UNC5D: variants seen among roughly 807,000 people sequenced by gnomAD.
UNC5D encodes the protein netrin receptor UNC5D.
Under a neutral mutation model 105.4 loss-of-function variants are expected in UNC5D, and 39 were observed. The observed-to-expected ratio is 0.37, with a 90% CI of 0.29 to 0.48. The LOEUF is 0.48. UNC5D is among the 20% of genes least tolerant of loss of function. The pLI, the probability that UNC5D is intolerant of heterozygous loss-of-function variation, is 0.98. For synonymous variants in UNC5D, 452 were observed against 450.4 expected (o/e 1.00, Z -0.04); for missense variants, 991 against 1,202.4 (o/e 0.82, Z 2.60).
At chr8:35,508,778 C>A (rs1279871471) in intron 1 of UNC5D, among the ~76,000 whole-genome samples, 1 of 152,136 alleles carries the variant, frequency 6.6e-6, no homozygotes, top group Non-Finnish European at 1.5e-5. Context: ...TGGTGATAAG[C>A]TCGGCAGAGC....
intron 7 of UNC5D, among the ~76,000 whole-genome samples, chr8:35,701,976 GAAAT>G (rs997696648): frequency 5.3e-5 from 8 of 150,342 alleles, no homozygotes; most frequent in African/African-American, 1.7e-4. Flanking sequence ...GGATAAAAAT[GAAAT>G]AAATGAAAAA....
intron 15 of UNC5D, among the ~76,000 whole-genome samples, chr8:35,772,320 CAG>C (rs1475345385): frequency 2.6e-5 from 4 of 152,112 alleles, no homozygotes; most frequent in Non-Finnish European, 5.9e-5. Flanking sequence ...TAAATAGTTA[CAG>C]AGAGACAAAA....
At chr8:35,661,947 G>T (rs1648628645) in intron 4 of UNC5D, among the ~76,000 whole-genome samples, 1 of 151,992 alleles carries the variant, frequency 6.6e-6, no homozygotes, top group African/African-American at 2.4e-5. Flanking sequence ...CTGATTCATG[G>T]TGCTTCTTCT....
At chr8:35,390,378 ATAAT>A (rs1803695437) in intron 1 of UNC5D, among the ~76,000 whole-genome samples, 1 of 152,210 alleles carries the variant, frequency 6.6e-6, no homozygotes. Flanking sequence ...TTATCAATAA[ATAAT>A]AGTTGTCATC....
intron 1 of UNC5D, among the ~76,000 whole-genome samples, chr8:35,494,919 A>C (rs1811448948): frequency 6.6e-6 from 1 of 151,982 alleles, no homozygotes; most frequent in South Asian, 2.1e-4. Flanking sequence ...TTAGAACATG[A>C]CTCTGGCATT....
rs377446064 is a variant in UNC5D at position 35,357,097 on chromosome 8, T to C, written c.103+121210T>C. 5.9e-5 allele frequency among the ~76,000 whole-genome samples: 9 copies of C among 152,288 alleles called. No individual in the cohort carries two copies. In the East Asian group the frequency reaches 1.7e-3, roughly 29 times the overall value. ...TTTCTCTTTTGGCTGCCATCATCTCTTGTTCATCTACAGTCTCTTAATTGA... is the reference window on the plus strand; with the variant it reads ...TTTCTCTTTTGGCTGCCATCATCTCCTGTTCATCTACAGTCTCTTAATTGA... On this transcript the variant is annotated intron_variant, in intron 1 of 16. Transcript: ENST00000404895.
At chr8:35,601,244 A>G (rs1007320011) in intron 4 of UNC5D, among the ~76,000 whole-genome samples, 45 of 152,132 alleles carry the variant, frequency 3.0e-4, no homozygotes, top group African/African-American at 1.0e-3. Flanking sequence ...GATGCCTCCA[A>G]CTTTGTTCTT....
intron 4 of UNC5D, among the ~76,000 whole-genome samples, chr8:35,633,058 C>T (rs1198943707): frequency 6.6e-6 from 1 of 152,194 alleles, no homozygotes; most frequent in East Asian, 1.9e-4. Flanking sequence ...TAATTTCCTC[C>T]ATGTCAGGTT....
At chr8:35,372,368 C>T in intron 1 of UNC5D, among the ~76,000 whole-genome samples, 1 of 152,076 alleles carries the variant, frequency 6.6e-6, no homozygotes, top group Non-Finnish European at 1.5e-5. Flanking sequence ...AAGCAATCCA[C>T]CCACCTTGGC....
In UNC5D at chr8:35,767,081, T is replaced by TAC. The variant is rs779534631; in HGVS notation, c.2478+17_2478+18dup. 7 of 1,596,956 alleles carry TAC rather than the reference T, an allele frequency of 4.4e-6. No individual in the cohort carries two copies. The South Asian group carries it at 6.7e-5, about 15-fold the overall frequency. Reference sequence around the variant, plus strand: ...CAATCCTAGAGGTGAGTCCTTGATCTACAGGTCATTTGACCCCCTTTCTGA... The same window carrying TAC: ...CAATCCTAGAGGTGAGTCCTTGATCTACACAGGTCATTTGACCCCCTTTCTGA... On this transcript the variant is annotated intron_variant, in intron 15 of 16. Transcript: ENST00000404895.
intron 3 of UNC5D, among the ~76,000 whole-genome samples, chr8:35,577,368 C>T (rs1468029092): frequency 6.6e-6 from 1 of 152,178 alleles, no homozygotes; most frequent in Non-Finnish European, 1.5e-5. Context: ...CTTCCTTTGT[C>T]TTTGATGATG....
At chr8:35,394,181 G>A (rs1432230961) in intron 1 of UNC5D, among the ~76,000 whole-genome samples, 2 of 152,116 alleles carry the variant, frequency 1.3e-5, no homozygotes, top group Non-Finnish European at 2.9e-5. Context: ...GTACAAAGAT[G>A]TTTGTCATAT....
intron 1 of UNC5D, among the ~76,000 whole-genome samples, chr8:35,259,214 G>C (rs1804279732): frequency 6.6e-6 from 1 of 152,130 alleles, no homozygotes; most frequent in Non-Finnish European, 1.5e-5. Context: ...TAAAGAAAAG[G>C]CTGTGGATTT....
chr8:35,439,180 G>A (rs909650482), intron 1 of UNC5D, among the ~76,000 whole-genome samples: 1 of 151,950 alleles, frequency 6.6e-6, no homozygotes, highest in African/African-American at 2.4e-5. Flanking sequence ...CCTGGTTCCC[G>A]GTAGGCTGTC....
chr8:35,261,647 G>A (rs537003216), intron 1 of UNC5D, among the ~76,000 whole-genome samples: 13 of 151,936 alleles, frequency 8.6e-5, no homozygotes, highest in South Asian at 2.1e-4. Flanking sequence ...GGTGGGGGGC[G>A]TGTGTGTATT....
chr8:35,536,982 C>T (rs1472372768), intron 1 of UNC5D, among the ~76,000 whole-genome samples: 5 of 151,128 alleles, frequency 3.3e-5, no homozygotes, highest in South Asian at 4.2e-4. Context: ...GGTGACAGAG[C>T]GAGACTCTAT....
intron 1 of UNC5D, chr8:35,254,871 A>C (rs1167929917): frequency 6.6e-6 from 1 of 152,224 alleles, no homozygotes; most frequent in Non-Finnish European, 1.5e-5. Context: ...ATGTTTGGTA[A>C]AAATTAGGTA....
intron 4 of UNC5D, among the ~76,000 whole-genome samples, chr8:35,657,080 G>GTATA (rs3077002): frequency 0.015 from 689 of 46,364 alleles, 28 homozygotes; most frequent in Non-Finnish European, 0.019. Flanking sequence ...GTGTGTGTGT[G>GTATA]TATATATATA....
intron 4 of UNC5D, among the ~76,000 whole-genome samples, chr8:35,638,957 T>C (rs537803807): frequency 3.1e-4 from 47 of 152,354 alleles, no homozygotes; most frequent in African/African-American, 1.1e-3. Flanking sequence ...CTACATTGGT[T>C]CATTTCATTT....
Sources: allele counts gnomAD v4.1 joint callset (sites outside exome capture counted in the v4.1 genomes callset), GRCh38; gene constraint gnomAD v4.1.1; transcripts MANE v1.5; gene names NCBI Gene and HGNC (gene_info 2026-07-23, HGNC 2026-07-21).